The following NUP210L variants were observed in gnomAD, a reference collection of about 807,000 sequenced individuals.
NUP210L encodes nucleoporin 210 like, also known as nuclear pore membrane glycoprotein 210-like.
Under a neutral mutation model 208.5 loss-of-function variants are expected in NUP210L, and 74 were observed. The observed-to-expected ratio is 0.35, with a 90% CI of 0.29 to 0.43. NUP210L has a LOEUF of 0.43. Ranked by LOEUF, NUP210L falls within the 20% of genes least tolerant of loss-of-function variation. The pLI is 1.00. For missense variants in NUP210L, 1,843 were observed against 2,289.4 expected (o/e 0.81, Z 3.98); for synonymous variants, 780 against 816.9 (o/e 0.95, Z 0.77).
rs1652605806 is a variant in NUP210L, at chr1:154,037,230, GT to G, written c.3697-7177del. 8.5e-5 allele frequency among the ~76,000 whole-genome samples: 13 copies of G among 152,260 alleles called. No homozygotes were observed. In the South Asian group the frequency reaches 2.5e-3, roughly 29 times the overall value. ...GTCTATAGTGCAGAGTAAGTCCGAAGTTTCTTTGTTGATTTTCTGTCTGGAT... is the reference window on the plus strand; with the variant it reads ...GTCTATAGTGCAGAGTAAGTCCGAAGTTCTTTGTTGATTTTCTGTCTGGAT... On this transcript the variant is annotated intron_variant, in intron 27 of 39. Coordinates refer to ENST00000368559, the Ensembl canonical transcript of NUP210L.
intron 14 of NUP210L, among the ~76,000 whole-genome samples, chr1:154,098,380 C>G (rs975560031): frequency 1.3e-5 from 2 of 152,342 alleles, no homozygotes; most frequent in Non-Finnish European, 2.9e-5. Context: ...TGTGTTATAG[C>G]TCTTTCAGCC....
chr1:154,010,725 C>T (rs1650858252), intron 34 of NUP210L, among the ~76,000 whole-genome samples: 1 of 151,802 alleles, frequency 6.6e-6, no homozygotes, highest in African/African-American at 2.4e-5. Context: ...ACAAAATTAG[C>T]TGGGGGTGGT....
chr1:154,046,576 C>T (rs896816671), intron 25 of NUP210L, among the ~76,000 whole-genome samples: 4 of 152,130 alleles, frequency 2.6e-5, no homozygotes, highest in African/African-American at 9.7e-5. Flanking sequence ...AAATGTGGTA[C>T]ATATGTACAA....
intron 12 of NUP210L, among the ~76,000 whole-genome samples, chr1:154,112,989 T>C (rs1260609314): frequency 1.3e-5 from 2 of 151,656 alleles, no homozygotes; most frequent in African/African-American, 4.8e-5. Context: ...AAACCCTGTC[T>C]CTATTAAAAA....
chr1:154,082,138 G>A (rs1013306401), intron 16 of NUP210L, among the ~76,000 whole-genome samples: 4 of 152,010 alleles, frequency 2.6e-5, no homozygotes, highest in African/African-American at 9.7e-5. Context: ...TTCTCAAAAG[G>A]ACACAAAATG....
chr1:154,058,332 C>T, intron 21 of NUP210L, 116 bp from the exon 22 acceptor site: 1 of 1,193,066 alleles, frequency 8.4e-7, no homozygotes. Flanking sequence ...CCTGGTCAGC[C>T]TTCAATCAAA....
chr1:154,103,533 G>A (rs986986863), intron 13 of NUP210L, among the ~76,000 whole-genome samples: 6 of 147,846 alleles, frequency 4.1e-5, no homozygotes, highest in South Asian at 2.1e-4. Flanking sequence ...TTAGCCGGGC[G>A]TGGTAGCGGG....
intron 35 of NUP210L, among the ~76,000 whole-genome samples, chr1:154,002,893 A>T (rs1650299943): frequency 6.6e-6 from 1 of 152,186 alleles, no homozygotes; most frequent in South Asian, 2.1e-4. Flanking sequence ...TTTGTGAAAG[A>T]CAGACAAGCT....
rs968027720 is a variant in NUP210L at position 154,021,719 on chromosome 1, A to G, written c.4516+407T>C. 2.6e-5 allele frequency among the ~76,000 whole-genome samples: 4 copies of G among 152,268 alleles called. No homozygotes were observed. In the East Asian group the frequency reaches 7.7e-4, roughly 29 times the overall value. On this transcript the variant is annotated intron_variant, in intron 32 of 39. Coordinates refer to ENST00000368559, the Ensembl canonical transcript of NUP210L. Reference sequence around the variant, plus strand: ...AAAAGCTGGGAATGGAGGAGAAGACACAGTACCCTGCACTATCTACATAAT... The same window carrying G: ...AAAAGCTGGGAATGGAGGAGAAGACGCAGTACCCTGCACTATCTACATAAT...
At chr1:154,018,271 C>T (rs1651373210) in intron 33 of NUP210L, among the ~76,000 whole-genome samples, 1 of 152,106 alleles carries the variant, frequency 6.6e-6, no homozygotes, top group African/African-American at 2.4e-5. Context: ...CGCGCCTGGC[C>T]TTTTTTCTAT....
chr1:154,070,351 T>C, exon 17 of NUP210L: 1 of 1,613,760 alleles, frequency 6.2e-7, no homozygotes, highest in South Asian at 1.1e-5. Flanking sequence ...TGGGCTAGTG[T>C]TTCATTGGAG....
intron 22 of NUP210L, 57 bp from the exon 23 acceptor site, chr1:154,057,004 G>GTAAGACCCT: frequency 6.4e-7 from 1 of 1,557,326 alleles, no homozygotes; most frequent in Non-Finnish European, 8.7e-7. Flanking sequence ...TTCAAGACAG[G>GTAAGACCCT]GTCTTACTCT....
At chr1:154,131,392 C>T (rs942985926) in intron 7 of NUP210L, among the ~76,000 whole-genome samples, 2 of 152,028 alleles carry the variant, frequency 1.3e-5, no homozygotes, top group South Asian at 4.1e-4. Flanking sequence ...CTTCTGATAT[C>T]GGAATAAGAT....
chr1:154,099,826 A>G (rs1298053074), intron 14 of NUP210L, among the ~76,000 whole-genome samples, 172 bp downstream of exon 14: 1 of 152,224 alleles, frequency 6.6e-6, no homozygotes, highest in Non-Finnish European at 1.5e-5. Flanking sequence ...AACTCCCTGG[A>G]GACTTAGGTT....
chr1:154,073,256 T>C (rs1461830102), intron 16 of NUP210L, among the ~76,000 whole-genome samples: 2 of 152,166 alleles, frequency 1.3e-5, no homozygotes, highest in Non-Finnish European at 2.9e-5. Flanking sequence ...TTTTTTATTT[T>C]TTGTAGAGAC....
At chr1:154,058,366 T>C (rs1205979021) in intron 21 of NUP210L, 150 bp from the exon 22 acceptor site, 1 of 1,054,048 alleles carries the variant, frequency 9.5e-7, no homozygotes, top group Middle Eastern at 3.0e-4. Flanking sequence ...TGTGTATTGT[T>C]TTAAGTTGGT....
intron 12 of NUP210L, among the ~76,000 whole-genome samples, chr1:154,111,914 C>G (rs1311067095): frequency 6.6e-6 from 1 of 151,380 alleles, no homozygotes; most frequent in Admixed American, 6.6e-5. Flanking sequence ...CCAAATTCAA[C>G]AACACTTTTT....
intron 17 of NUP210L, among the ~76,000 whole-genome samples, chr1:154,067,059 T>C (rs980244443): frequency 6.6e-6 from 1 of 152,076 alleles, no homozygotes; most frequent in Non-Finnish European, 1.5e-5. Flanking sequence ...TTCCAGTCAA[T>C]AGAAAAAGAG....
intron 27 of NUP210L, among the ~76,000 whole-genome samples, chr1:154,044,021 C>G (rs569848541): frequency 2.0e-5 from 3 of 152,040 alleles, no homozygotes; most frequent in African/African-American, 7.2e-5. Flanking sequence ...AAGAGTGATG[C>G]TTTACATAAA....
Sources: gnomAD v4.1 joint callset for allele counts (sites outside exome capture counted in the v4.1 genomes callset) on GRCh38, gnomAD v4.1.1 for gene constraint, MANE v1.5 for transcripts, NCBI Gene and HGNC (gene_info 2026-07-23, HGNC 2026-07-21) for gene names.